The following SNX30 variants were observed in gnomAD, a reference collection of about 807,000 sequenced individuals.
SNX30 encodes sorting nexin family member 30.
A neutral mutation model predicts 46.4 loss-of-function variants in SNX30; 24 were observed. That is an observed-to-expected ratio of 0.52 (90% CI 0.37 to 0.73). The LOEUF is 0.73. Ranked by LOEUF, SNX30 falls within the 30% of genes least tolerant of loss-of-function variation. SNX30 has a pLI of 0.00. For missense variants in SNX30, 533 were observed against 555.7 expected, an observed-to-expected ratio of 0.96 and a Z score of 0.41; for synonymous variants, 189 against 211.5, an observed-to-expected ratio of 0.89 and a Z score of 0.92.
intron 1 of SNX30, among the ~76,000 whole-genome samples, chr9:112,764,940 ACAG>A (rs1240155970): frequency 6.6e-6 from 1 of 152,142 alleles, no homozygotes; most frequent in Non-Finnish European, 1.5e-5. Flanking sequence ...CTCACATTGC[ACAG>A]CTGTGCCTCC....
At position 112,786,794 on chromosome 9, in the gene SNX30, C is replaced by T. The variant is rs190545716; in HGVS notation, c.157-17982C>T. On this transcript the variant is annotated intron_variant, in intron 1 of 8. Coordinates refer to ENST00000374232, the MANE Select transcript of SNX30 (RefSeq NM_001012994.2). The stretch of plus-strand genomic sequence containing the variant: ...CTAGGATTACAGGTGTGAGCCACCA[C>T]GCCTGGCCCCTTCTTGCCTTTTTAA... 1.1e-4 allele frequency among the ~76,000 whole-genome samples: 16 copies of T among 152,152 alleles called. No homozygotes were observed. In the East Asian group the frequency reaches 1.5e-3, roughly 15 times the overall value.
chr9:112,796,519 AGG>A (rs1840109562), intron 1 of SNX30, among the ~76,000 whole-genome samples: 1 of 151,880 alleles, frequency 6.6e-6, no homozygotes, highest in East Asian at 1.9e-4. Flanking sequence ...CCACACTGAG[AGG>A]GGCTGTTGAA....
At chr9:112,769,704 G>T (rs1482470802) in intron 1 of SNX30, among the ~76,000 whole-genome samples, 1 of 152,082 alleles carries the variant, frequency 6.6e-6, no homozygotes, top group Non-Finnish European at 1.5e-5. Flanking sequence ...CTCTTCATCT[G>T]CATGGTGTCC....
chr9:112,876,111 GGAA>G (rs1841513863), downstream of SNX30, among the ~76,000 whole-genome samples: 1 of 151,966 alleles, frequency 6.6e-6, no homozygotes, highest in Non-Finnish European at 1.5e-5. Flanking sequence ...ACAAGGTGAT[GGAA>G]ATAAAATACT....
intron 7 of SNX30, among the ~76,000 whole-genome samples, chr9:112,851,984 A>C (rs1841035202): frequency 6.6e-6 from 1 of 152,194 alleles, no homozygotes; most frequent in South Asian, 2.1e-4. Flanking sequence ...GTTGAAAGGA[A>C]ACTTTTAAAA....
intron 6 of SNX30, among the ~76,000 whole-genome samples, chr9:112,849,569 A>G (rs756311169): frequency 6.6e-6 from 1 of 152,226 alleles, no homozygotes; most frequent in Non-Finnish European, 1.5e-5. Context: ...CTGAGTGGCA[A>G]TTGACGAAAA....
chr9:112,824,086 G>A (rs1204346345), intron 3 of SNX30, among the ~76,000 whole-genome samples: 1 of 152,152 alleles, frequency 6.6e-6, no homozygotes, highest in Non-Finnish European at 1.5e-5. Flanking sequence ...ATTTGCTGAC[G>A]AGGAAGTTGG....
rs1000056041 is a variant in SNX30, at chr9:112,869,149, G to A, written c.*306G>A. 5.3e-5 allele frequency: 17 copies of A among 321,848 alleles called. No individual in the cohort carries two copies. Among genetic ancestry groups the A allele is most frequent in the Non-Finnish European group, 3.0e-5 (5 of 168,624 alleles). 19.9% of individuals were successfully genotyped at this position (321,848 alleles called of 1,614,324 possible). A position where few individuals can be genotyped will look rare whatever the true frequency, so the allele number is the denominator to read the frequency against. On this transcript the variant is annotated 3_prime_UTR_variant, in exon 9 of 9. Transcript: ENST00000374232. Reference sequence around the variant, plus strand: ...AGGGACAAGACAACCTGCAGCTGACGCTCTGACATTTCATGACAGTTTCCT... The same window carrying A: ...AGGGACAAGACAACCTGCAGCTGACACTCTGACATTTCATGACAGTTTCCT...
rs1291540364 is a variant in SNX30 at position 112,866,980 on chromosome 9, CAGAATTCCTT to C, written c.1255-1803_1255-1794del. Among the ~76,000 whole-genome samples the C allele has an allele frequency of 5.5e-3, 824 of 148,608 alleles. 1 individual carries two copies. Among genetic ancestry groups the C allele is most frequent in the Non-Finnish European group, 6.9e-3 (459 of 66,940 alleles). ...CTCCTCAGAACTCCTCCTCCTTCCT[CAGAATTCCTT>C]CTCCCTCCTCAGAACTCCTCCCCCC... On this transcript the variant is annotated intron_variant, in intron 8 of 8. Coordinates refer to ENST00000374232, the MANE Select transcript of SNX30 (RefSeq NM_001012994.2).
chr9:112,797,375 T>C (rs1387794695), intron 1 of SNX30, among the ~76,000 whole-genome samples: 1 of 152,186 alleles, frequency 6.6e-6, no homozygotes, highest in Non-Finnish European at 1.5e-5. Context: ...GGGAAGAGAA[T>C]TGTATAATGA....
At position 112,865,732 on chromosome 9, in the gene SNX30, C is replaced by A. The variant is rs114477360; in HGVS notation, c.1254+1333C>A. On this transcript the variant is annotated intron_variant, in intron 8 of 8. Transcript: ENST00000374232. ...ATACACACATATACATACATACATACACACATGAGTGAGTGTGTGTGTGTG... is the reference window on the plus strand; with the variant it reads ...ATACACACATATACATACATACATAAACACATGAGTGAGTGTGTGTGTGTG... Among the ~76,000 whole-genome samples the A allele has an allele frequency of 5.1e-3, 747 of 145,132 alleles. 10 individuals are homozygous for A. Among genetic ancestry groups the A allele is most frequent in the South Asian group, 0.016 (71 of 4,538 alleles).
At chr9:112,841,167 A>G (rs1223876220) in intron 6 of SNX30, among the ~76,000 whole-genome samples, 2 of 152,244 alleles carry the variant, frequency 1.3e-5, no homozygotes, top group East Asian at 3.8e-4. Flanking sequence ...ACCTTGCCAG[A>G]TGAAAAATCC....
chr9:112,813,481 T>C (rs1382063523), intron 2 of SNX30, among the ~76,000 whole-genome samples: 1 of 149,920 alleles, frequency 6.7e-6, no homozygotes, highest in Non-Finnish European at 1.5e-5. Context: ...TTTTTTTTTT[T>C]TTTTTGCGAG....
intron 1 of SNX30, among the ~76,000 whole-genome samples, chr9:112,769,837 C>T (rs1021459392): frequency 1.3e-5 from 2 of 152,200 alleles, no homozygotes; most frequent in Non-Finnish European, 2.9e-5. Flanking sequence ...GCATCTCCAA[C>T]AGGCATGTCA....
downstream of SNX30, among the ~76,000 whole-genome samples, chr9:112,883,607 T>C (rs912682826): frequency 6.6e-6 from 1 of 151,934 alleles, no homozygotes. Context: ...AGAAGATGGA[T>C]GCAAATGAAC....
At chr9:112,845,631 T>TAG (rs1840928868) in intron 6 of SNX30, among the ~76,000 whole-genome samples, 1 of 152,118 alleles carries the variant, frequency 6.6e-6, no homozygotes, top group African/African-American at 2.4e-5. Flanking sequence ...CTCTCAGCCT[T>TAG]AGATCTTCCA....
In SNX30 at chr9:112,751,055, C is replaced by T. The variant is rs765153190; in HGVS notation, c.54C>T (p.Arg18=). The change falls in exon 1 of 9, where the codon CGC becomes CGT. Residue 18 remains arginine, a synonymous_variant. Coordinates refer to ENST00000374232, the MANE Select transcript of SNX30 (RefSeq NM_001012994.2). ...CGTCCACGGGGCCCCACTCCCTGCGCGACATGCCGCACCCGCTGGCCGGCT... is the reference window on the plus strand; with the variant it reads ...CGTCCACGGGGCCCCACTCCCTGCGTGACATGCCGCACCCGCTGGCCGGCT... ...ALPSTGPHSL[R]DMPHPLAGSS... is the part of the protein sequence containing the mutation. 22 of 1,493,120 alleles carry T rather than the reference C, an allele frequency of 1.5e-5. No individual in the cohort carries two copies. Among genetic ancestry groups the T allele is most frequent in the Non-Finnish European group, 8.9e-7 (1 of 1,127,558 alleles). The allele number at this position is 1,493,120 out of a possible 1,614,324, so 92.5% of individuals were successfully genotyped here.
chr9:112,786,594 A>T (rs1289463038), intron 1 of SNX30, among the ~76,000 whole-genome samples: 2 of 151,854 alleles, frequency 1.3e-5, no homozygotes, highest in Non-Finnish European at 2.9e-5. Flanking sequence ...TGGACTCAGA[A>T]TGCCCATGTG....
intron 6 of SNX30, among the ~76,000 whole-genome samples, chr9:112,839,886 C>T (rs1267998364): frequency 6.6e-6 from 1 of 152,148 alleles, no homozygotes. Context: ...TCCAGGAAAA[C>T]ATTGTACAGC....
Sources: gnomAD v4.1 joint callset for allele counts (sites outside exome capture counted in the v4.1 genomes callset) on GRCh38, gnomAD v4.1.1 for gene constraint, MANE v1.5 for transcripts, NCBI Gene and HGNC (gene_info 2026-07-23, HGNC 2026-07-21) for gene names.